ARHGAP29: variants seen among roughly 807,000 people sequenced by gnomAD.
ARHGAP29 encodes the protein rho GTPase-activating protein 29.
Under a neutral mutation model 122.6 loss-of-function variants are expected in ARHGAP29, and 43 were observed. That is an observed-to-expected ratio of 0.35 (90% CI 0.27 to 0.45). The LOEUF (loss-of-function observed/expected upper bound fraction) is 0.45, where lower values mean the gene tolerates loss of function less well. ARHGAP29 is among the 20% of genes least tolerant of loss of function. The pLI is 1.00. For synonymous variants in ARHGAP29, 506 were observed against 497.1 expected, an observed-to-expected ratio of 1.02 and a Z score of -0.24; for missense variants, 1,303 against 1,477.2, an observed-to-expected ratio of 0.88 and a Z score of 1.93.
the ARHGAP29 span, among the ~76,000 whole-genome samples, chr1:94,294,550 T>C: frequency 6.6e-6 from 1 of 152,186 alleles, no homozygotes; most frequent in Non-Finnish European, 1.5e-5. Context: ...CCTCCCAAAG[T>C]ACTGGGATTA....
chr1:94,213,381 A>G (rs892035669), intron 3 of ARHGAP29, among the ~76,000 whole-genome samples: 1 of 151,972 alleles, frequency 6.6e-6, no homozygotes, highest in African/African-American at 2.4e-5. Context: ...ACGGGGTTTC[A>G]CCGTGTTAGC....
chr1:94,247,462 C>T (rs1653856858), intron 1 of ARHGAP29, among the ~76,000 whole-genome samples: 1 of 151,590 alleles, frequency 6.6e-6, no homozygotes, highest in Non-Finnish European at 1.5e-5. Flanking sequence ...GCCCCTAGCC[C>T]CTGCCGGACC....
In ARHGAP29 at chr1:94,202,600, T is replaced by A; in HGVS notation, c.1087A>T (p.Asn363Tyr). ...HLSSSGGLAKNLNKQLEKKRR... is the reference protein window; with the variant it reads ...HLSSSGGLAKYLNKQLEKKRR... ...TTTTTTTCTAGTTGCTTGTTGAGAT[T>A]TTTTGCTAATCCGCCACTTGAAGAC... Residue 363 changes from asparagine (N) to tyrosine (Y), a missense_variant, in exon 11 of 23, where the codon AAT (asparagine) becomes TAT (tyrosine). Asn to Tyr is a moderately radical substitution (Grantham distance 143). Coordinates refer to ENST00000260526, the MANE Select transcript of ARHGAP29 (RefSeq NM_004815.4). 1.2e-6 allele frequency: 2 copies of A among 1,614,228 alleles called. No individual in the cohort carries two copies. Among genetic ancestry groups the A allele is most frequent in the Non-Finnish European group, 1.7e-6 (2 of 1,180,042 alleles).
intron 22 of ARHGAP29, among the ~76,000 whole-genome samples, chr1:94,175,125 C>T (rs187831749): frequency 9.9e-4 from 150 of 152,252 alleles, no homozygotes; most frequent in Middle Eastern, 6.8e-3. Context: ...TACACACCAA[C>T]CAGATGTAAG....
the ARHGAP29 span, among the ~76,000 whole-genome samples, chr1:94,314,268 G>T: frequency 1.3e-5 from 2 of 152,140 alleles, no homozygotes; most frequent in African/African-American, 4.8e-5. Flanking sequence ...AACTTCCAGG[G>T]AGTCAAAGTT....
intron 3 of ARHGAP29, among the ~76,000 whole-genome samples, chr1:94,212,963 C>T (rs1173793165): frequency 6.6e-6 from 1 of 152,082 alleles, no homozygotes; most frequent in East Asian, 1.9e-4. Flanking sequence ...TCTTATGTTA[C>T]TAACACACTC....
chr1:94,297,132 C>A, the ARHGAP29 span, among the ~76,000 whole-genome samples: 2 of 152,032 alleles, frequency 1.3e-5, no homozygotes, highest in African/African-American at 4.8e-5. Flanking sequence ...AGGAAGTTTT[C>A]CCAAGCAAAA....
Position 94,174,554 on chromosome 1 carries a change from C to G in ARHGAP29, c.3101G>C (p.Arg1034Thr). 2 of 1,614,164 alleles carry G rather than the reference C, an allele frequency of 1.2e-6. No individual in the cohort carries two copies. The highest frequency in any genetic ancestry group is 1.7e-6 in the Non-Finnish European group (2 of 1,180,028). ...TACATTTCCCATATTTCTGCCATTT[C>G]TCTCATTAGGAGGACTTGCAAGAAG... ...RLLLASPPNE[R>T]NGRNMGNVNL... The change falls in exon 23 of 23, where the codon AGA becomes ACA. Residue 1034 changes from arginine to threonine, a missense_variant. Around this residue, in one of 3 missense-constraint regions of ARHGAP29, gnomAD observed 620 missense variants for 651.2 expected, o/e 0.95. Transcript: ENST00000260526.
chr1:94,282,123 G>A, the ARHGAP29 span, among the ~76,000 whole-genome samples: 1 of 151,850 alleles, frequency 6.6e-6, no homozygotes, highest in African/African-American at 2.4e-5. Context: ...ATGGATTCCT[G>A]GGCCCTATCA....
chr1:94,305,310 G>A, the ARHGAP29 span, among the ~76,000 whole-genome samples: 22 of 152,336 alleles, frequency 1.4e-4, no homozygotes, highest in African/African-American at 5.1e-4. Context: ...ATCCTGAGTG[G>A]TCATGGGGTT....
chr1:94,219,243 A>ATCT, intron 3 of ARHGAP29, among the ~76,000 whole-genome samples: 1 of 41,038 alleles, frequency 2.4e-5, no homozygotes, highest in East Asian at 9.5e-4. Flanking sequence ...TTTAACACTG[A>ATCT]TAATCACTTC....
chr1:94,181,855 T>G (rs969609729), intron 19 of ARHGAP29, among the ~76,000 whole-genome samples: 5 of 152,188 alleles, frequency 3.3e-5, no homozygotes, highest in Admixed American at 1.3e-4. Context: ...TAAACTGAGA[T>G]GTACTTTAAA....
At chr1:94,249,899 G>C (rs1654016563) in intron 1 of ARHGAP29, among the ~76,000 whole-genome samples, 1 of 152,132 alleles carries the variant, frequency 6.6e-6, no homozygotes, top group Non-Finnish European at 1.5e-5. Context: ...TACTACATTA[G>C]TTAGGTCTGT....
the ARHGAP29 span, among the ~76,000 whole-genome samples, chr1:94,291,266 GTTGT>G: frequency 1.2e-4 from 18 of 151,980 alleles, no homozygotes; most frequent in African/African-American, 2.4e-4. Context: ...TGTTTGTTTG[GTTGT>G]TTGTTTGTTT....
At chr1:94,300,486 C>A in the ARHGAP29 span, among the ~76,000 whole-genome samples, 2 of 152,128 alleles carry the variant, frequency 1.3e-5, no homozygotes, top group African/African-American at 4.8e-5. Flanking sequence ...CTCATCTGAC[C>A]TGACCTTAGC....
chr1:94,262,126 A>G (rs1364966782), intron 1 of ARHGAP29, among the ~76,000 whole-genome samples: 1 of 152,190 alleles, frequency 6.6e-6, no homozygotes, highest in African/African-American at 2.4e-5. Flanking sequence ...GATCTTTGAC[A>G]AAGCAAGCTG....
chr1:94,185,128 G>A, intron 17 of ARHGAP29, 68 bp from the exon 18 acceptor site: 1 of 1,421,550 alleles, frequency 7.0e-7, no homozygotes. Flanking sequence ...AACTGCAGGT[G>A]GAAGGTAACA....
intron 3 of ARHGAP29, among the ~76,000 whole-genome samples, chr1:94,218,611 A>T (rs1307703241): frequency 6.6e-6 from 1 of 152,210 alleles, no homozygotes; most frequent in Non-Finnish European, 1.5e-5. Context: ...TATCTAAGTA[A>T]AGTTAAATGG....
intron 1 of ARHGAP29, among the ~76,000 whole-genome samples, chr1:94,269,711 G>C (rs915350575): frequency 1.3e-5 from 2 of 152,280 alleles, no homozygotes; most frequent in Admixed American, 6.5e-5. Flanking sequence ...AGCACCTACT[G>C]TGTGCCAGGC....
Sources: gnomAD v4.1 joint callset for allele counts (sites outside exome capture counted in the v4.1 genomes callset) on GRCh38, gnomAD v4.1.1 for gene constraint, gnomAD v4.1.1 regional missense constraint, MANE v1.5 for transcripts, NCBI Gene and HGNC (gene_info 2026-07-23, HGNC 2026-07-21) for gene names.